ZNF44: variants seen among roughly 807,000 people sequenced by gnomAD.
ZNF44 encodes the protein zinc finger protein 44, also known as gonadotropin inducible transcription repressor-2.
A neutral mutation model predicts 11.7 loss-of-function variants in ZNF44; 9 were observed. The ratio of observed to expected loss-of-function variants is 0.77; its 90% CI spans 0.46 to 1.35. The LOEUF (loss-of-function observed/expected upper bound fraction) is 1.35. Among genes scored for constraint, ZNF44 ranks in the 40% most tolerant of loss-of-function variants. The probability of loss-of-function intolerance (pLI) is 0.00; values close to 1 mark genes in which losing one functional copy is unlikely to be tolerated. For missense variants in ZNF44, 696 were observed against 743.1 expected (o/e 0.94, Z 0.74); for synonymous variants, 224 against 242.7 (o/e 0.92, Z 0.72).
chr19:12,265,236 T>A (rs1292633467), intron 5 of ZNF44, among the ~76,000 whole-genome samples: 4 of 151,942 alleles, frequency 2.6e-5, no homozygotes, highest in Non-Finnish European at 5.9e-5. Flanking sequence ...AGAGGCACGC[T>A]CTCTACAAAA....
chr19:12,271,037 GTGATGA>G (rs112180662), downstream of ZNF44, among the ~76,000 whole-genome samples: 4,755 of 151,156 alleles, frequency 0.031, 235 homozygotes, highest in African/African-American at 0.11. Flanking sequence ...TCCTCTACAA[GTGATGA>G]TGATGATGAT....
At position 12,276,064 on chromosome 19, in the gene ZNF44, C is replaced by T; in HGVS notation, c.22G>A (p.Asp8Asn). 2 of 1,607,002 alleles carry T rather than the reference C, an allele frequency of 1.2e-6. No individual in the cohort carries two copies. The highest frequency in any genetic ancestry group is 1.7e-6 in the Non-Finnish European group (2 of 1,175,236). Residue 8 changes from aspartate (D) to asparagine (N), a missense_variant, in exon 2 of 4, where the codon GAT (aspartate) becomes AAT (asparagine). Physicochemically the swap from Asp to Asn is conservative, Grantham distance 23. Coordinates refer to ENST00000355684, the MANE Select transcript of ZNF44 (RefSeq NM_016264.4). MDSVAFE[D>N]VAVNFTHEEW... ...TCATGGGTGAAGTTCACAGCCACAT[C>T]CTCAAAGGCCACTGAGTCCTGAAAC... is the stretch of plus-strand genomic sequence containing the variant.
chr19:12,259,080 G>T (rs930905137), intron 5 of ZNF44, among the ~76,000 whole-genome samples: 1 of 152,082 alleles, frequency 6.6e-6, no homozygotes, highest in African/African-American at 2.4e-5. Context: ...CCACCATGTT[G>T]CCCAGGCTCG....
chr19:12,276,235 GTCTGATGCTGGAAT>G (rs1352311874), intron 1 of ZNF44, 153 bp from the exon 2 acceptor site: 4 of 1,196,110 alleles, frequency 3.3e-6, no homozygotes, highest in East Asian at 3.2e-5. Flanking sequence ...TGCACTCACT[GTCTGATGCTGGAAT>G]TCTGATGCTG....
intron 1 of ZNF44, among the ~76,000 whole-genome samples, chr19:12,288,689 C>T (rs8105436): frequency 0.2 from 28,961 of 144,304 alleles, 3,835 homozygotes; most frequent in African/African-American, 0.38. Flanking sequence ...TGGAGGGAGG[C>T]GGAGGTTGCA....
chr19:12,243,355 T>C (rs190265456), downstream of ZNF44, among the ~76,000 whole-genome samples: 2 of 152,320 alleles, frequency 1.3e-5, no homozygotes, highest in African/African-American at 4.8e-5. Flanking sequence ...CCCTACCTTC[T>C]GGACTCTAGT....
At chr19:12,244,791 A>G (rs1568425143), downstream of ZNF44, 1 of 152,248 alleles carries the variant, frequency 6.6e-6, no homozygotes, top group Non-Finnish European at 1.5e-5. Context: ...GATAAGAACT[A>G]TTAGAATTTT....
intron 2 of ZNF44, among the ~76,000 whole-genome samples, chr19:12,232,875 G>A (rs1303383692): frequency 6.6e-6 from 1 of 152,102 alleles, no homozygotes; most frequent in Non-Finnish European, 1.5e-5. Context: ...GTCATGCCAG[G>A]ATGACTGCAG....
chr19:12,282,502 A>C (rs1371846737), intron 1 of ZNF44, among the ~76,000 whole-genome samples: 3 of 148,146 alleles, frequency 2.0e-5, no homozygotes, highest in African/African-American at 7.7e-5. Context: ...GCTCACTGCA[A>C]CCTCCGCCTC....
At chr19:12,275,178 G>T in intron 2 of ZNF44, 145 bp from the exon 3 acceptor site, 1 of 502,900 alleles carries the variant, frequency 2.0e-6, no homozygotes, top group Non-Finnish European at 3.4e-6. Flanking sequence ...AACTGCACAA[G>T]TCCATTTATA....
intron 5 of ZNF44, among the ~76,000 whole-genome samples, chr19:12,263,937 A>AG (rs1917626405): frequency 6.6e-6 from 1 of 151,860 alleles, no homozygotes; most frequent in East Asian, 1.9e-4. Flanking sequence ...AAAAAAAAAA[A>AG]AAAAAATTAG....
chr19:12,243,518 G>A (rs1309579019), downstream of ZNF44, among the ~76,000 whole-genome samples: 1 of 152,196 alleles, frequency 6.6e-6, no homozygotes, highest in Non-Finnish European at 1.5e-5. Flanking sequence ...TTACGGCTGA[G>A]TAATATTCTG....
intron 5 of ZNF44, among the ~76,000 whole-genome samples, chr19:12,261,302 A>T (rs1917495571): frequency 6.6e-6 from 1 of 152,230 alleles, no homozygotes; most frequent in Non-Finnish European, 1.5e-5. Flanking sequence ...AACATTAAAA[A>T]TGTAGAGTCC....
intron 5 of ZNF44, among the ~76,000 whole-genome samples, chr19:12,256,060 AAAAAC>A (rs1917245311): frequency 6.7e-6 from 1 of 148,370 alleles, no homozygotes; most frequent in South Asian, 2.1e-4. Context: ...AAAAAAAAAA[AAAAAC>A]AGCCTACATA....
At chr19:12,245,189 T>C (rs975735918), downstream of ZNF44, among the ~76,000 whole-genome samples, 5 of 152,338 alleles carry the variant, frequency 3.3e-5, no homozygotes, top group African/African-American at 1.2e-4. Flanking sequence ...CAAATGGTAA[T>C]ACTGACTCAT....
chr19:12,249,467 C>G (rs1276647927), intron 7 of ZNF44, among the ~76,000 whole-genome samples: 2 of 145,300 alleles, frequency 1.4e-5, no homozygotes, highest in Non-Finnish European at 3.0e-5. Context: ...GATCACGCCA[C>G]TGCACTCCAG....
In ZNF44 at chr19:12,294,877, G is replaced by T; in HGVS notation, c.-183C>A. ...ACACCCTCCTCTCTGCCTCGCGCCT[G>T]ATTGACAATTCTCAGGAACCCGCCC... On this transcript the variant is annotated 5_prime_UTR_variant, in exon 1 of 4. Coordinates refer to ENST00000355684, the MANE Select transcript of ZNF44 (RefSeq NM_016264.4). The T allele has an allele frequency of 1.5e-6, 1 of 667,096 alleles. No homozygotes were observed. Among genetic ancestry groups the T allele is most frequent in the Non-Finnish European group, 2.4e-6 (1 of 421,084 alleles). The allele number at this position is 667,096 out of a possible 1,614,324, so 41.3% of individuals were successfully genotyped here.
At chr19:12,288,562 T>G (rs185301602) in intron 1 of ZNF44, among the ~76,000 whole-genome samples, 300 of 151,464 alleles carry the variant, frequency 2.0e-3, no homozygotes, top group African/African-American at 6.9e-3. Context: ...GCCAACATGA[T>G]GAAACCCCAT....
At chr19:12,236,562 A>G (rs963109855) in intron 1 of ZNF44, among the ~76,000 whole-genome samples, 5 of 152,228 alleles carry the variant, frequency 3.3e-5, no homozygotes, top group Admixed American at 2.6e-4. Flanking sequence ...AACCAGGCCC[A>G]TGAAATAAAA....
Sources: allele counts gnomAD v4.1 joint callset (sites outside exome capture counted in the v4.1 genomes callset), GRCh38; gene constraint gnomAD v4.1.1; transcripts MANE v1.5; gene names NCBI Gene and HGNC (gene_info 2026-07-23, HGNC 2026-07-21).